The following CENPU variants were observed in gnomAD, a reference collection of about 807,000 sequenced individuals.
The protein encoded by CENPU is centromere protein U.
A neutral mutation model predicts 56.7 loss-of-function variants in CENPU; 46 were observed. The observed-to-expected ratio is 0.81, with a 90% CI of 0.64 to 1.04. CENPU has a LOEUF of 1.04. CENPU is among the 50% of genes least tolerant of loss of function. The pLI, the probability that CENPU is intolerant of heterozygous loss-of-function variation, is 0.00. For synonymous variants in CENPU, 166 were observed against 163.0 expected (o/e 1.02, Z -0.14); for missense variants, 510 against 490.1 (o/e 1.04, Z -0.38).
At chr4:184,696,478 T>C (rs773359359) in intron 12 of CENPU, among the ~76,000 whole-genome samples, 9 of 152,156 alleles carry the variant, frequency 5.9e-5, no homozygotes, top group Non-Finnish European at 1.0e-4. Context: ...ATGCTACAGA[T>C]AACTTGCCCA....
At chr4:184,715,160 G>A (rs1477044130) in intron 6 of CENPU, among the ~76,000 whole-genome samples, 1 of 152,220 alleles carries the variant, frequency 6.6e-6, no homozygotes, top group Non-Finnish European at 1.5e-5. Context: ...AGGTGGAAAG[G>A]TGAAGAAGAC....
intron 3 of CENPU, among the ~76,000 whole-genome samples, chr4:184,728,116 AG>A (rs951387162): frequency 4.1e-4 from 62 of 152,304 alleles, no homozygotes; most frequent in African/African-American, 1.4e-3. Flanking sequence ...ACACCTTAAA[AG>A]GGTGAATTTT....
chr4:184,700,943 G>T, intron 10 of CENPU, 62 bp from the exon 11 acceptor site: 1 of 1,351,844 alleles, frequency 7.4e-7, no homozygotes, highest in Non-Finnish European at 1.1e-6. Flanking sequence ...TGCCACATAA[G>T]CTGCCAGGTA....
chr4:184,728,816 G>A, intron 3 of CENPU, 102 bp downstream of exon 3: 1 of 812,170 alleles, frequency 1.2e-6, no homozygotes, highest in Non-Finnish European at 2.0e-6. Flanking sequence ...TTACATGCAG[G>A]CAACTAATTT....
At chr4:184,729,133 G>A in intron 2 of CENPU, 98 bp from the exon 3 acceptor site, 2 of 935,644 alleles carry the variant, frequency 2.1e-6, no homozygotes, top group Non-Finnish European at 3.4e-6. Flanking sequence ...TGCTGCCTAA[G>A]GAAGCAATCC....
chr4:184,700,150 T>C (rs1760483911), intron 11 of CENPU, among the ~76,000 whole-genome samples: 1 of 152,148 alleles, frequency 6.6e-6, no homozygotes, highest in Admixed American at 6.5e-5. Context: ...AAAACACACT[T>C]GGGGGCTGAC....
intron 7 of CENPU, among the ~76,000 whole-genome samples, chr4:184,710,614 C>G (rs1238607812): frequency 6.6e-6 from 1 of 152,026 alleles, no homozygotes; most frequent in Non-Finnish European, 1.5e-5. Flanking sequence ...CAGTAATATA[C>G]CAGACAGGAA....
At chr4:184,725,418 G>A (rs1761418049) in intron 3 of CENPU, among the ~76,000 whole-genome samples, 1 of 152,226 alleles carries the variant, frequency 6.6e-6, no homozygotes, top group African/African-American at 2.4e-5. Flanking sequence ...CGATCTTCCT[G>A]CCTCAGCCTC....
intron 2 of CENPU, among the ~76,000 whole-genome samples, chr4:184,729,857 C>G (rs1240052340): frequency 6.6e-6 from 1 of 152,186 alleles, no homozygotes; most frequent in East Asian, 1.9e-4. Context: ...ATGAGAAAAA[C>G]TTTCATGGTA....
At chr4:184,712,907 C>T in intron 7 of CENPU, 37 bp downstream of exon 7, 1 of 1,350,422 alleles carries the variant, frequency 7.4e-7, no homozygotes. Flanking sequence ...TATGAAATTC[C>T]TGAATGAGTG....
In CENPU at chr4:184,734,080, T is replaced by C. The variant is rs908674876; in HGVS notation, c.-18A>G. The C allele has an allele frequency of 1.2e-5, 18 of 1,545,716 alleles. No individual in the cohort carries two copies. Among genetic ancestry groups the C allele is most frequent in the South Asian group, 5.9e-5 (5 of 84,348 alleles). ...GGGGCCATGGTGCCGCTCTCCGCTCTCGAGCGACTGGAAGCTCCCGCCAAG... is the reference window on the plus strand; with the variant it reads ...GGGGCCATGGTGCCGCTCTCCGCTCCCGAGCGACTGGAAGCTCCCGCCAAG... On this transcript the variant is annotated 5_prime_UTR_variant, in exon 1 of 13. Coordinates refer to ENST00000281453, the MANE Select transcript of CENPU (RefSeq NM_024629.4).
intron 4 of CENPU, among the ~76,000 whole-genome samples, chr4:184,719,880 A>G (rs999570525): frequency 4.6e-5 from 7 of 152,190 alleles, no homozygotes; most frequent in Non-Finnish European, 7.3e-5. Context: ...GTCCTTTCAA[A>G]TATCTGGAAA....
rs761976742 is a variant in CENPU at position 184,695,311 on chromosome 4, C to CT, written c.1233dup (p.Glu412ArgfsTer5). On this transcript the variant is annotated frameshift_variant, in exon 13 of 13. Transcript: ENST00000281453. LOFTEE classifies it high-confidence loss of function. ...TCTCATCCCTGGTCAAGGAGCTTCTCTAACTGATGGTTGATATTTCGCAGA... is the reference window on the plus strand; with the variant it reads ...TCTCATCCCTGGTCAAGGAGCTTCTCTTAACTGATGGTTGATATTTCGCAGA... 18 of 1,613,288 alleles carry CT rather than the reference C, an allele frequency of 1.1e-5. No homozygotes were observed. The South Asian group carries it at 1.9e-4, about 17-fold the overall frequency.
Position 184,716,530 on chromosome 4 carries a change from T to C in CENPU, c.485A>G (p.His162Arg). ...AGACGCTGTGGTTCGAATAACCTCATGACGTTGTGTACTTATTTTCTCTGC... is the reference window on the plus strand; with the variant it reads ...AGACGCTGTGGTTCGAATAACCTCACGACGTTGTGTACTTATTTTCTCTGC... ...KSAEKISTQR[H>R]EVIRTTASSE... The change falls in exon 6 of 13, where the codon CAT (histidine) becomes CGT (arginine). Residue 162 changes from histidine (H) to arginine (R), a missense_variant. Transcript: ENST00000281453. 6.2e-6 allele frequency: 10 copies of C among 1,614,208 alleles called. No homozygotes were observed. The highest frequency in any genetic ancestry group is 8.5e-6 in the Non-Finnish European group (10 of 1,180,018).
In CENPU at chr4:184,726,980, G is replaced by C. The variant is rs57846033; in HGVS notation, c.215-1918C>G. Among the ~76,000 whole-genome samples the C allele has an allele frequency of 2.8e-4, 24 of 86,754 alleles. 1 individual carries two copies. The highest frequency in any genetic ancestry group is 1.1e-3 in the African/African-American group (22 of 20,526). 56.9% of individuals were successfully genotyped at this position (86,754 alleles called of 152,430 possible). On this transcript the variant is annotated intron_variant, in intron 3 of 12. Coordinates refer to ENST00000281453, the MANE Select transcript of CENPU (RefSeq NM_024629.4). ...TGGTGGTGGTCCTGGGGGGTGGGGG[G>C]GGGGGGCGCCTGGAATCCCAGCCAC...
At chr4:184,733,569 T>C (rs2871418) in intron 1 of CENPU, among the ~76,000 whole-genome samples, 101,592 of 152,118 alleles carry the variant, frequency 0.67, 34,656 homozygotes, top group African/African-American at 0.76. Context: ...CAGCCGGATT[T>C]ATGCTCCAGT....
chr4:184,731,088 C>A (rs1579801955), intron 1 of CENPU, 120 bp from the exon 2 acceptor site: 10 of 722,810 alleles, frequency 1.4e-5, no homozygotes, highest in Non-Finnish European at 2.0e-5. Context: ...CCATATTCCA[C>A]AAATTTATTT....
intron 4 of CENPU, 123 bp from the exon 5 acceptor site, chr4:184,717,319 C>A: frequency 2.8e-6 from 2 of 713,076 alleles, no homozygotes; most frequent in South Asian, 1.9e-5. Flanking sequence ...CTATTTGTCA[C>A]ATACAAGTCT....
intron 8 of CENPU, among the ~76,000 whole-genome samples, chr4:184,708,335 A>T (rs1219197987): frequency 6.6e-6 from 1 of 151,972 alleles, no homozygotes; most frequent in Non-Finnish European, 1.5e-5. Flanking sequence ...TAAATTAGCA[A>T]ATCTAATTTC....
Sources: allele counts gnomAD v4.1 joint callset (sites outside exome capture counted in the v4.1 genomes callset), GRCh38; gene constraint gnomAD v4.1.1; transcripts MANE v1.5; gene names NCBI Gene and HGNC (gene_info 2026-07-23, HGNC 2026-07-21).